Variants in RAD54L2 observed in about 807,000 individuals in gnomAD.
RAD54L2 encodes the protein RAD54 like 2, also known as helicase ARIP4.
In RAD54L2, 27 loss-of-function variants were observed where a neutral mutation model predicts 138.4. The observed-to-expected ratio is 0.20, with a 90% CI of 0.14 to 0.27. The LOEUF is 0.27. Ranked by LOEUF, RAD54L2 falls within the 10% of genes least tolerant of loss-of-function variation. The pLI is 1.00. For missense variants in RAD54L2, 1,396 were observed against 1,890.2 expected, an observed-to-expected ratio of 0.74 and a Z score of 4.85; for synonymous variants, 644 against 723.2, an observed-to-expected ratio of 0.89 and a Z score of 1.76.
At chr3:51,615,721 C>A (rs1280709147) in intron 3 of RAD54L2, among the ~76,000 whole-genome samples, 2 of 152,282 alleles carry the variant, frequency 1.3e-5, no homozygotes, top group Admixed American at 6.5e-5. Flanking sequence ...TGAGCCCCAG[C>A]AGTGGGGAGG....
intron 2 of RAD54L2, among the ~76,000 whole-genome samples, chr3:51,564,627 C>G (rs1699170760): frequency 6.6e-6 from 1 of 152,188 alleles, no homozygotes; most frequent in Admixed American, 6.5e-5. Context: ...GTTGAAGACA[C>G]TGGCTCAGGC....
In RAD54L2 at chr3:51,639,130, T is replaced by C. The variant is rs140267478; in HGVS notation, c.1861-289T>C. 1.8e-3 allele frequency: 776 copies of C among 424,696 alleles called. 5 individuals carry two copies. The highest frequency in any genetic ancestry group is 0.014 in the African/African-American group (721 of 50,654). The allele number at this position is 424,696 out of a possible 1,614,324, so 26.3% of individuals were successfully genotyped here. A position where few individuals can be genotyped will look rare whatever the true frequency, so the allele number is the denominator to read the frequency against. On this transcript the variant is annotated intron_variant, in intron 12 of 22. Transcript: ENST00000684192. ...TGGAACATTCTTACTCTTATTTGAA[T>C]AAGAATGTCAAAAAGGCTTGTGACA...
intron 3 of RAD54L2, among the ~76,000 whole-genome samples, chr3:51,615,618 C>G (rs772271416): frequency 5.3e-5 from 8 of 152,084 alleles, no homozygotes; most frequent in Non-Finnish European, 8.8e-5. Context: ...CCTCAAGGAG[C>G]TGCATTCTAG....
chr3:51,625,080 A>C (rs1266815375), intron 3 of RAD54L2, among the ~76,000 whole-genome samples: 2 of 152,014 alleles, frequency 1.3e-5, no homozygotes, highest in Non-Finnish European at 2.9e-5. Context: ...AATGTTTCTT[A>C]CCCCAAAGAC....
At chr3:51,581,887 C>T (rs1436844790) in intron 2 of RAD54L2, among the ~76,000 whole-genome samples, 4 of 151,830 alleles carry the variant, frequency 2.6e-5, no homozygotes, top group African/African-American at 9.7e-5. Context: ...CTCCATGTCC[C>T]TGCCATGTGG....
At chr3:51,651,877 A>G (rs1701447454) in intron 19 of RAD54L2, among the ~76,000 whole-genome samples, 1 of 152,222 alleles carries the variant, frequency 6.6e-6, no homozygotes, top group Admixed American at 6.5e-5. Flanking sequence ...AAACTGGCAC[A>G]AGACTGGGAT....
chr3:51,645,360 C>G lies in RAD54L2; in HGVS notation c.2656+131C>G, dbSNP rs137953301. On this transcript the variant is annotated intron_variant, in intron 17 of 22. Transcript: ENST00000684192. The surrounding 1 kb of genome is among the most constrained non-coding windows in gnomAD (Gnocchi z 6.1). ...AGAAAGCCAGCATTTCCTCCTATCT[C>G]ATTCTGATTCAAATTGCTTAAAAGG... The G allele has an allele frequency of 1.4e-5, 15 of 1,056,816 alleles. No individual in the cohort carries two copies. Among genetic ancestry groups the G allele is most frequent in the Non-Finnish European group, 1.8e-5 (13 of 730,876 alleles). 65.5% of individuals were successfully genotyped at this position (1,056,816 alleles called of 1,614,324 possible).
At chr3:51,631,496 A>C (rs1577441362) in intron 7 of RAD54L2, among the ~76,000 whole-genome samples, 6 of 130,070 alleles carry the variant, frequency 4.6e-5, no homozygotes, top group South Asian at 2.4e-4. Flanking sequence ...CTATACCACC[A>C]CACCCAGCCA....
intron 2 of RAD54L2, among the ~76,000 whole-genome samples, chr3:51,546,983 C>G (rs1479382240): frequency 1.3e-5 from 2 of 151,376 alleles, no homozygotes; most frequent in Non-Finnish European, 1.5e-5. Flanking sequence ...GAGCCGAGAT[C>G]TCACCACTGC....
chr3:51,558,458 C>CTTCT (rs1553674865), intron 2 of RAD54L2, among the ~76,000 whole-genome samples: 3 of 45,590 alleles, frequency 6.6e-5, no homozygotes, highest in Admixed American at 2.4e-4. Flanking sequence ...TGAAGGTCCA[C>CTTCT]TTCTCTCTCT....
At chr3:51,629,751 T>C (rs924686056) in intron 5 of RAD54L2, among the ~76,000 whole-genome samples, 1 of 151,976 alleles carries the variant, frequency 6.6e-6, no homozygotes, top group African/African-American at 2.4e-5. Context: ...TAATCCCAGC[T>C]ACTAGGAGGC....
At chr3:51,597,952 T>C (rs1351059128) in intron 3 of RAD54L2, among the ~76,000 whole-genome samples, 1 of 122,336 alleles carries the variant, frequency 8.2e-6, no homozygotes, top group Non-Finnish European at 1.7e-5. Flanking sequence ...AGACTTTGTC[T>C]CAAAAAAAAA....
At chr3:51,654,362 T>C (rs1701539135) in intron 19 of RAD54L2, among the ~76,000 whole-genome samples, 1 of 152,186 alleles carries the variant, frequency 6.6e-6, no homozygotes, top group Non-Finnish European at 1.5e-5. Flanking sequence ...TGTTGCTGTT[T>C]GTATAGCAAA....
At chr3:51,587,678 A>G (rs1699739001) in intron 2 of RAD54L2, among the ~76,000 whole-genome samples, 1 of 151,998 alleles carries the variant, frequency 6.6e-6, no homozygotes, top group Middle Eastern at 3.2e-3. Flanking sequence ...ACAATTCTTA[A>G]GTTCTAGTTT....
chr3:51,651,701 A>G (rs1701441180), intron 19 of RAD54L2, among the ~76,000 whole-genome samples: 1 of 152,226 alleles, frequency 6.6e-6, no homozygotes, highest in African/African-American at 2.4e-5. Context: ...GATTATCTCA[A>G]TAGATGCAGA....
intron 4 of RAD54L2, among the ~76,000 whole-genome samples, chr3:51,629,025 A>G (rs1284219008): frequency 6.6e-6 from 1 of 152,060 alleles, no homozygotes; most frequent in Non-Finnish European, 1.5e-5. Context: ...CAACAACACT[A>G]TTTTTAATAC....
chr3:51,581,751 G>T (rs1339568199), intron 2 of RAD54L2, among the ~76,000 whole-genome samples: 22 of 152,124 alleles, frequency 1.4e-4, no homozygotes. Context: ...ATGAGACACT[G>T]AGCATGGCTT....
chr3:51,594,066 CTTTTTTTTT>C (rs904101025), intron 3 of RAD54L2, among the ~76,000 whole-genome samples: 1 of 105,138 alleles, frequency 9.5e-6, no homozygotes, highest in Non-Finnish European at 2.0e-5. Flanking sequence ...TTTTCTTTTT[CTTTTTTTTT>C]TTTTTTTTTT....
At chr3:51,542,555 C>T (rs1553671478) in intron 2 of RAD54L2, among the ~76,000 whole-genome samples, 1 of 151,994 alleles carries the variant, frequency 6.6e-6, no homozygotes, top group Non-Finnish European at 1.5e-5. Flanking sequence ...ACGCCATTCT[C>T]CCGCCTCAGC....
Sources: gnomAD v4.1 joint callset for allele counts (sites outside exome capture counted in the v4.1 genomes callset) on GRCh38, gnomAD v4.1.1 for gene constraint, Gnocchi (gnomAD v3.1) non-coding constraint, MANE v1.5 for transcripts, NCBI Gene and HGNC (gene_info 2026-07-23, HGNC 2026-07-21) for gene names.